CTNNA2: variants seen among roughly 807,000 people sequenced by gnomAD.
The protein encoded by CTNNA2 is catenin alpha 2, also known as catenin alpha-2.
A neutral mutation model predicts 101.0 loss-of-function variants in CTNNA2; 42 were observed. The ratio of observed to expected loss-of-function variants is 0.42; its 90% CI spans 0.32 to 0.54. The LOEUF (loss-of-function observed/expected upper bound fraction) is 0.54, where lower values mean the gene tolerates loss of function less well. Among genes scored for constraint, CTNNA2 ranks in the 20% least tolerant of loss-of-function variants. The pLI is 0.14. For synonymous variants in CTNNA2, 450 were observed against 456.4 expected (o/e 0.99, Z 0.18); for missense variants, 871 against 1,223.1 (o/e 0.71, Z 4.29).
chr2:79,957,537 G>A (rs895033618), intron 7 of CTNNA2, among the ~76,000 whole-genome samples: 1 of 152,188 alleles, frequency 6.6e-6, no homozygotes, highest in South Asian at 2.1e-4. Flanking sequence ...CCTGGCTCCT[G>A]TAAAGTTAGT....
chr2:79,307,220 C>T (rs554754910), intron 2 of CTNNA2, among the ~76,000 whole-genome samples: 3 of 152,214 alleles, frequency 2.0e-5, no homozygotes, highest in South Asian at 2.1e-4. Flanking sequence ...TCTCAAATGT[C>T]GATCACTTCT....
At chr2:80,046,024 CA>C (rs907255469) in intron 7 of CTNNA2, among the ~76,000 whole-genome samples, 24 of 152,156 alleles carry the variant, frequency 1.6e-4, no homozygotes, top group African/African-American at 5.8e-4. Context: ...GAGATTAAAC[CA>C]GTTCCGCAAA....
intron 1 of CTNNA2, among the ~76,000 whole-genome samples, chr2:79,645,743 G>A (rs978469233): frequency 9.2e-5 from 14 of 152,114 alleles, no homozygotes; most frequent in Admixed American, 5.9e-4. Flanking sequence ...TTATTCTACC[G>A]ATTTTCAGAA....
chr2:79,659,642 T>C (rs912465416), intron 2 of CTNNA2, among the ~76,000 whole-genome samples: 6 of 152,198 alleles, frequency 3.9e-5, no homozygotes, highest in African/African-American at 1.4e-4. Context: ...CTAGGTTCCA[T>C]TTTCATTTTT....
chr2:80,527,878 G>C (rs1038476827), intron 9 of CTNNA2, among the ~76,000 whole-genome samples: 3 of 152,162 alleles, frequency 2.0e-5, no homozygotes, highest in Non-Finnish European at 2.9e-5. Flanking sequence ...AGCTGGAGAG[G>C]CTTAAAATGC....
intron 9 of CTNNA2, among the ~76,000 whole-genome samples, chr2:80,470,655 C>T (rs934955946): frequency 1.3e-5 from 2 of 152,212 alleles, no homozygotes; most frequent in South Asian, 2.1e-4. Flanking sequence ...CTACTGTGCG[C>T]TAGGCTGTGT....
intron 6 of CTNNA2, among the ~76,000 whole-genome samples, chr2:79,904,769 G>A (rs1043382786): frequency 6.6e-6 from 1 of 152,186 alleles, no homozygotes; most frequent in African/African-American, 2.4e-5. Flanking sequence ...TTATGTCAGA[G>A]CTTGCATCAA....
intron 8 of CTNNA2, among the ~76,000 whole-genome samples, chr2:80,412,476 T>C (rs967489180): frequency 4.6e-5 from 7 of 152,332 alleles, no homozygotes; most frequent in African/African-American, 1.7e-4. Flanking sequence ...TTCAGTGCAT[T>C]TGGCCAAAGA....
At chr2:79,343,393 G>C (rs1311437327) in intron 3 of CTNNA2, among the ~76,000 whole-genome samples, 1 of 152,102 alleles carries the variant, frequency 6.6e-6, no homozygotes, top group African/African-American at 2.4e-5. Context: ...ATTTTGCAGA[G>C]CAATTCTGTA....
intron 11 of CTNNA2, among the ~76,000 whole-genome samples, chr2:80,550,342 C>G (rs1036018474): frequency 6.6e-6 from 1 of 152,158 alleles, no homozygotes; most frequent in Non-Finnish European, 1.5e-5. Context: ...TGATGTTGAT[C>G]AGAGTGGTGG....
At chr2:80,250,645 TAGTA>T (rs1208776038) in intron 7 of CTNNA2, among the ~76,000 whole-genome samples, 1 of 152,024 alleles carries the variant, frequency 6.6e-6, no homozygotes, top group East Asian at 1.9e-4. Flanking sequence ...GTGGAGAGGT[TAGTA>T]AGTGTCATTC....
chr2:80,501,352 G>T (rs1687865840), intron 9 of CTNNA2, among the ~76,000 whole-genome samples: 1 of 152,190 alleles, frequency 6.6e-6, no homozygotes, highest in South Asian at 2.1e-4. Flanking sequence ...CTTTTGAACA[G>T]ATAACTGAAA....
chr2:80,355,703 T>A (rs1573820218), intron 7 of CTNNA2, among the ~76,000 whole-genome samples: 1 of 152,156 alleles, frequency 6.6e-6, no homozygotes, highest in African/African-American at 2.4e-5. Context: ...AGATGCTCCG[T>A]TGTATATGAT....
intron 7 of CTNNA2, among the ~76,000 whole-genome samples, chr2:80,183,442 C>CA (rs1229254544): frequency 1.3e-5 from 2 of 152,122 alleles, no homozygotes; most frequent in African/African-American, 4.8e-5. Flanking sequence ...ACCAAAACCA[C>CA]AAAAATGCTG....
At chr2:79,264,723 G>T (rs535159483) in intron 2 of CTNNA2, among the ~76,000 whole-genome samples, 312 of 123,330 alleles carry the variant, frequency 2.5e-3, no homozygotes, top group Non-Finnish European at 4.5e-3. Flanking sequence ...TTTTTATCTT[G>T]CTGCAACCTA....
rs1267507142 is a variant in CTNNA2 at position 79,982,480 on chromosome 2, C to CACACAA, written c.1056+72688_1056+72689insAACACA. Among the ~76,000 whole-genome samples the CACACAA allele has an allele frequency of 1.8e-3, 276 of 149,520 alleles. 11 individuals carry two copies. In the East Asian group the frequency reaches 0.046, roughly 25 times the overall value. ...TATTACAGACTCCTAACTACACACA[C>CACACAA]ACACACACACACACACACACATGCA... On this transcript the variant is annotated intron_variant, in intron 7 of 18. Coordinates refer to ENST00000402739, the MANE Select transcript of CTNNA2 (RefSeq NM_001282597.3).
Position 80,567,445 on chromosome 2 carries a change from C to A in CTNNA2, c.1742-6718C>A, listed in dbSNP as rs150507485. Among the ~76,000 whole-genome samples the A allele has an allele frequency of 2.4e-3, 360 of 152,238 alleles. 3 individuals are homozygous for A. Among genetic ancestry groups the A allele is most frequent in the African/African-American group, 7.2e-3 (300 of 41,540 alleles). ...TGTGTGGAATTGTCAAGGCACACCCCGTGCCTTATAGATGCCAGTCAGAGT... is the reference window on the plus strand; with the variant it reads ...TGTGTGGAATTGTCAAGGCACACCCAGTGCCTTATAGATGCCAGTCAGAGT... On this transcript the variant is annotated intron_variant, in intron 12 of 18. Coordinates refer to ENST00000402739, the MANE Select transcript of CTNNA2 (RefSeq NM_001282597.3).
At chr2:80,610,906 C>T (rs1423246865) in intron 17 of CTNNA2, among the ~76,000 whole-genome samples, 3 of 151,448 alleles carry the variant, frequency 2.0e-5, no homozygotes, top group Middle Eastern at 3.4e-3. Flanking sequence ...ATCATGACGG[C>T]GATCTGGAGA....
At chr2:79,552,264 C>G (rs1008102200) in intron 1 of CTNNA2, among the ~76,000 whole-genome samples, 15 of 152,162 alleles carry the variant, frequency 9.9e-5, no homozygotes, top group Admixed American at 1.3e-4. Flanking sequence ...GCAGGACAAT[C>G]ATTAAACCTA....
Sources: gnomAD v4.1 joint callset for allele counts (sites outside exome capture counted in the v4.1 genomes callset) on GRCh38, gnomAD v4.1.1 for gene constraint, MANE v1.5 for transcripts, NCBI Gene and HGNC (gene_info 2026-07-23, HGNC 2026-07-21) for gene names.